Variants in CDH13 observed in about 807,000 individuals in gnomAD.
CDH13 encodes cadherin 13, also known as cadherin-13.
Under a neutral mutation model 63.8 loss-of-function variants are expected in CDH13, and 24 were observed. That is an observed-to-expected ratio of 0.38 (90% CI 0.27 to 0.53). The LOEUF is 0.53. CDH13 is among the 20% of genes least tolerant of loss of function. The probability of loss-of-function intolerance (pLI) is 0.85; values close to 1 mark genes in which losing one functional copy is unlikely to be tolerated. For missense variants in CDH13, 1,049 were observed against 903.1 expected, an observed-to-expected ratio of 1.16 and a Z score of -2.07; for synonymous variants, 503 against 355.3, an observed-to-expected ratio of 1.42 and a Z score of -4.67.
At chr16:82,982,405 TATC>T (rs1412342664) in intron 2 of CDH13, among the ~76,000 whole-genome samples, 1 of 152,186 alleles carries the variant, frequency 6.6e-6, no homozygotes, top group African/African-American at 2.4e-5. Flanking sequence ...ACAAATTTAT[TATC>T]ATACATTTCT....
intron 2 of CDH13, among the ~76,000 whole-genome samples, chr16:83,011,766 G>A (rs890900751): frequency 2.6e-5 from 4 of 151,960 alleles, no homozygotes; most frequent in Admixed American, 6.6e-5. Context: ...TTCAGCAATC[G>A]CTATTTTACT....
intron 1 of CDH13, among the ~76,000 whole-genome samples, chr16:82,713,915 C>A (rs374929542): frequency 5.9e-5 from 9 of 151,742 alleles, no homozygotes; most frequent in African/African-American, 2.2e-4. Flanking sequence ...AGGGCCTGGG[C>A]GGGATAAGTA....
intron 7 of CDH13, among the ~76,000 whole-genome samples, chr16:83,564,103 G>A (rs1000660704): frequency 6.6e-6 from 1 of 152,144 alleles, no homozygotes; most frequent in African/African-American, 2.4e-5. Context: ...CTTGCCTGGT[G>A]TTTTGCAAGT....
At chr16:82,728,934 C>G (rs746172757) in intron 1 of CDH13, among the ~76,000 whole-genome samples, 3 of 152,250 alleles carry the variant, frequency 2.0e-5, no homozygotes, top group Non-Finnish European at 2.9e-5. Flanking sequence ...TTCACAGTAT[C>G]TTCCCAAGGA....
At position 83,250,268 on chromosome 16, in the gene CDH13, A is replaced by C. The variant is rs543105661; in HGVS notation, c.636+32771A>C. Among the ~76,000 whole-genome samples the C allele has an allele frequency of 6.6e-5, 10 of 152,280 alleles. No homozygotes were observed. The East Asian group carries it at 1.7e-3, about 26-fold the overall frequency. On this transcript the variant is annotated intron_variant, in intron 5 of 13. Transcript: ENST00000567109. ...AAAAAAGTCATTTTTCCTCCTTTTT[A>C]CTTTTTCATTCATTAATTTAATATT...
intron 3 of CDH13, among the ~76,000 whole-genome samples, chr16:83,096,584 C>G (rs2034205870): frequency 6.6e-6 from 1 of 152,186 alleles, no homozygotes; most frequent in East Asian, 1.9e-4. Context: ...CTGAGTATCT[C>G]TGCTGAACGC....
chr16:83,239,340 G>C (rs924029177), intron 5 of CDH13, among the ~76,000 whole-genome samples: 2 of 152,298 alleles, frequency 1.3e-5, no homozygotes, highest in Non-Finnish European at 2.9e-5. Context: ...GGGTGCGTGA[G>C]GAGAGAGGGG....
intron 5 of CDH13, among the ~76,000 whole-genome samples, chr16:83,248,329 C>T (rs896712759): frequency 6.6e-6 from 1 of 152,128 alleles, no homozygotes; most frequent in Non-Finnish European, 1.5e-5. Flanking sequence ...TAGCTATGTC[C>T]TTCAGGAGCG....
intron 1 of CDH13, among the ~76,000 whole-genome samples, chr16:82,714,693 G>A (rs1162806596): frequency 2.0e-4 from 24 of 120,652 alleles, no homozygotes; most frequent in African/African-American, 6.7e-4. Flanking sequence ...CAGCCTAGGC[G>A]ACAGAGCAAG....
intron 10 of CDH13, among the ~76,000 whole-genome samples, chr16:83,724,982 G>A (rs780481445): frequency 3.3e-5 from 5 of 152,180 alleles, no homozygotes; most frequent in Admixed American, 1.3e-4. Flanking sequence ...TTCACAGATA[G>A]TGGGGATATA....
chr16:83,477,089 G>A (rs1433666606), intron 6 of CDH13, among the ~76,000 whole-genome samples: 1 of 152,186 alleles, frequency 6.6e-6, no homozygotes, highest in Non-Finnish European at 1.5e-5. Context: ...CAGTTCTTCA[G>A]CTTCATTAAA....
At chr16:83,331,902 T>C (rs771636581) in intron 5 of CDH13, among the ~76,000 whole-genome samples, 1 of 152,166 alleles carries the variant, frequency 6.6e-6, no homozygotes, top group Non-Finnish European at 1.5e-5. Context: ...AGCAATATTG[T>C]AATGAGTATA....
At chr16:83,659,774 C>G (rs1264702207) in intron 8 of CDH13, among the ~76,000 whole-genome samples, 1 of 148,526 alleles carries the variant, frequency 6.7e-6, no homozygotes, top group Non-Finnish European at 1.5e-5. Flanking sequence ...GTTAGAGCAG[C>G]AGTCCACAAC....
intron 6 of CDH13, among the ~76,000 whole-genome samples, chr16:83,401,660 A>C (rs1234822510): frequency 3.3e-5 from 4 of 122,394 alleles, no homozygotes; most frequent in Admixed American, 7.5e-5. Flanking sequence ...TTTTATGGAC[A>C]AAAAAAAGAG....
chr16:83,272,669 G>C (rs1656703887), intron 5 of CDH13, among the ~76,000 whole-genome samples: 1 of 152,120 alleles, frequency 6.6e-6, no homozygotes, highest in African/African-American at 2.4e-5. Context: ...ATAGGTCTGT[G>C]TGGCCCCTGA....
At chr16:83,171,679 C>G (rs1371511729) in intron 4 of CDH13, 1 of 895,354 alleles carries the variant, frequency 1.1e-6, no homozygotes, top group Middle Eastern at 2.1e-4. Context: ...AAATAGCATG[C>G]TCTTTGGCAG....
chr16:83,381,905 G>C (rs2091574356), intron 6 of CDH13, among the ~76,000 whole-genome samples: 2 of 152,262 alleles, frequency 1.3e-5, no homozygotes, highest in Non-Finnish European at 1.5e-5. Flanking sequence ...TGTGCACCTT[G>C]CTGTCATTCT....
chr16:83,455,114 A>G (rs1166650836), intron 6 of CDH13, among the ~76,000 whole-genome samples: 2 of 152,214 alleles, frequency 1.3e-5, no homozygotes, highest in Non-Finnish European at 2.9e-5. Context: ...TGATGCTCAG[A>G]GAGATTGTAG....
chr16:83,594,454 C>G (rs1907065900), intron 7 of CDH13, among the ~76,000 whole-genome samples: 1 of 152,168 alleles, frequency 6.6e-6, no homozygotes, highest in South Asian at 2.1e-4. Context: ...TCTTAAATGT[C>G]AACCATCCTA....
Sources: allele counts gnomAD v4.1 joint callset (sites outside exome capture counted in the v4.1 genomes callset), GRCh38; gene constraint gnomAD v4.1.1; transcripts MANE v1.5; gene names NCBI Gene and HGNC (gene_info 2026-07-23, HGNC 2026-07-21).